WWOX: variants seen among roughly 807,000 people sequenced by gnomAD.
The protein encoded by WWOX is WW domain containing oxidoreductase.
In WWOX, 69 loss-of-function variants were observed where a neutral mutation model predicts 46.2. The ratio of observed to expected loss-of-function variants is 1.49; its 90% CI spans 1.23 to 1.82. The LOEUF is 1.82. WWOX is among the 40% of genes most tolerant of loss of function. WWOX has a pLI of 0.00. For synonymous variants in WWOX, 359 were observed against 202.6 expected (o/e 1.77, Z -6.56); for missense variants, 919 against 542.6 (o/e 1.69, Z -6.89).
chr16:78,402,741 T>G (rs1030062990), intron 6 of WWOX, among the ~76,000 whole-genome samples: 2 of 152,292 alleles, frequency 1.3e-5, no homozygotes, highest in Middle Eastern at 3.4e-3. Context: ...TGATTCTAAG[T>G]TGGGTTCAAT....
chr16:78,432,572 T>C lies in WWOX; in HGVS notation c.876T>C (p.Ala292=), dbSNP rs74030232. The change falls in exon 8 of 9, where the codon GCT becomes GCC. Residue 292 remains alanine (A), a synonymous_variant. Transcript: ENST00000566780. ...AAAACGACTATTGGGCGATGCTGGC[T>C]TATAACAGGTCCAAGCTCTGCAACA... ...PTKNDYWAML[A]YNRSKLCNIL... is the part of the protein sequence containing the mutation. 8.2e-4 allele frequency: 1,324 copies of C among 1,614,206 alleles called. 12 individuals are homozygous for C. In the African/African-American group the frequency reaches 0.016, roughly 19 times the overall value.
At chr16:78,444,040 G>A (rs2083503577) in intron 8 of WWOX, among the ~76,000 whole-genome samples, 1 of 152,138 alleles carries the variant, frequency 6.6e-6, no homozygotes, top group Admixed American at 6.5e-5. Flanking sequence ...TGAGGTGTAA[G>A]GTAATGTTTT....
At chr16:79,179,789 G>C (rs536101989) in intron 8 of WWOX, among the ~76,000 whole-genome samples, 1 of 152,298 alleles carries the variant, frequency 6.6e-6, no homozygotes, top group Non-Finnish European at 1.5e-5. Context: ...TTAACTCCTT[G>C]GGATGTGTAA....
At chr16:78,119,235 C>T (rs998673610) in intron 4 of WWOX, among the ~76,000 whole-genome samples, 2 of 152,108 alleles carry the variant, frequency 1.3e-5, no homozygotes, top group Admixed American at 6.6e-5. Context: ...GTAAAAGCAA[C>T]GGAAATGCCT....
chr16:78,135,390 T>C (rs1701850562), intron 4 of WWOX, among the ~76,000 whole-genome samples: 1 of 152,186 alleles, frequency 6.6e-6, no homozygotes, highest in African/African-American at 2.4e-5. Flanking sequence ...AGTTTCCTTT[T>C]AGAAGCATAA....
rs556186756 is a variant in WWOX at position 78,679,382 on chromosome 16, C to G, written c.1056+246630C>G. 4.6e-5 allele frequency among the ~76,000 whole-genome samples: 7 copies of G among 152,216 alleles called. No individual in the cohort carries two copies. In the East Asian group the frequency reaches 5.8e-4, roughly 13 times the overall value. On this transcript the variant is annotated intron_variant, in intron 8 of 8. Coordinates refer to ENST00000566780, the MANE Select transcript of WWOX (RefSeq NM_016373.4). ...CTTGGCCATCACAGTAAAACCCTGTCTCTGCTAAAAATACAAAAATTAGCC... is the reference window on the plus strand; with the variant it reads ...CTTGGCCATCACAGTAAAACCCTGTGTCTGCTAAAAATACAAAAATTAGCC...
At chr16:78,351,369 C>T (rs532788016) in intron 5 of WWOX, among the ~76,000 whole-genome samples, 2 of 152,176 alleles carry the variant, frequency 1.3e-5, no homozygotes, top group Non-Finnish European at 2.9e-5. Context: ...GCAGTTGTGT[C>T]AGGTAGAAAA....
At chr16:78,455,808 G>A (rs1045964826) in intron 8 of WWOX, among the ~76,000 whole-genome samples, 1 of 150,452 alleles carries the variant, frequency 6.6e-6, no homozygotes, top group Middle Eastern at 3.5e-3. Flanking sequence ...AAAAAAAAAG[G>A]CCACCAAGGA....
At chr16:78,236,982 G>C (rs1190229874) in intron 5 of WWOX, among the ~76,000 whole-genome samples, 1 of 150,508 alleles carries the variant, frequency 6.6e-6, no homozygotes, top group Admixed American at 6.7e-5. Flanking sequence ...GCTGAGGCAG[G>C]AGAATCACTT....
intron 5 of WWOX, among the ~76,000 whole-genome samples, chr16:78,300,468 C>T (rs2080019960): frequency 6.6e-6 from 1 of 151,910 alleles, no homozygotes; most frequent in African/African-American, 2.4e-5. Context: ...TGAGTGATTC[C>T]TCCTGCCATG....
chr16:78,472,665 C>A (rs1043215207), intron 8 of WWOX, among the ~76,000 whole-genome samples: 1 of 151,702 alleles, frequency 6.6e-6, no homozygotes, highest in Non-Finnish European at 1.5e-5. Context: ...AAAAATTAGC[C>A]AGGAATGGTG....
At chr16:78,387,745 A>G (rs2082090999) in intron 6 of WWOX, among the ~76,000 whole-genome samples, 1 of 152,170 alleles carries the variant, frequency 6.6e-6, no homozygotes, top group Admixed American at 6.5e-5. Flanking sequence ...CTCGTTGAAC[A>G]TAGAGGTTTG....
chr16:78,572,028 G>T (rs2044727882), intron 8 of WWOX, among the ~76,000 whole-genome samples: 1 of 152,112 alleles, frequency 6.6e-6, no homozygotes. Context: ...AAAATATTTT[G>T]GTATTACGTA....
chr16:78,856,500 G>C (rs568426788), intron 8 of WWOX, among the ~76,000 whole-genome samples: 5 of 152,094 alleles, frequency 3.3e-5, no homozygotes, highest in African/African-American at 1.2e-4. Context: ...AAAATCAGCT[G>C]GTTGTGGTGG....
chr16:78,962,816 G>C (rs575728922), intron 8 of WWOX, among the ~76,000 whole-genome samples: 103 of 152,274 alleles, frequency 6.8e-4, no homozygotes, highest in African/African-American at 2.4e-3. Context: ...AGTACCATCA[G>C]CATTAAGAGG....
At position 78,835,044 on chromosome 16, in the gene WWOX, TG is replaced by T. The variant is rs1414416311; in HGVS notation, c.1057-376562del. Among the ~76,000 whole-genome samples, 3 of 152,312 alleles carry T rather than the reference TG, an allele frequency of 2.0e-5. No individual in the cohort carries two copies. In the East Asian group the frequency reaches 5.8e-4, roughly 29 times the overall value. On this transcript the variant is annotated intron_variant, in intron 8 of 8. Coordinates refer to ENST00000566780, the MANE Select transcript of WWOX (RefSeq NM_016373.4). ...TTCCACTCAAATTTTTAAAGGGGTT[TG>T]GAGGGCGTTAGTGTGCCCATTTTAC...
At chr16:78,856,596 T>A (rs749078175) in intron 8 of WWOX, among the ~76,000 whole-genome samples, 19 of 152,208 alleles carry the variant, frequency 1.2e-4, no homozygotes, top group Admixed American at 7.2e-4. Flanking sequence ...TGAGCCCAGA[T>A]CATGCCACTG....
At chr16:78,512,922 C>T (rs187193208) in intron 8 of WWOX, among the ~76,000 whole-genome samples, 4 of 152,104 alleles carry the variant, frequency 2.6e-5, no homozygotes, top group Non-Finnish European at 4.4e-5. Context: ...TCAGGCAGTC[C>T]CAGGCAGGAA....
chr16:78,742,055 G>C (rs1259005109), intron 8 of WWOX, among the ~76,000 whole-genome samples: 1 of 152,060 alleles, frequency 6.6e-6, no homozygotes, highest in Non-Finnish European at 1.5e-5. Flanking sequence ...GCAACCCTGT[G>C]ACCTCAGCAC....
Sources: allele counts gnomAD v4.1 joint callset (sites outside exome capture counted in the v4.1 genomes callset), GRCh38; gene constraint gnomAD v4.1.1; transcripts MANE v1.5; gene names NCBI Gene and HGNC (gene_info 2026-07-23, HGNC 2026-07-21).